Variants in SYCP1 observed in about 807,000 individuals in gnomAD.
The protein encoded by SYCP1 is cancer/testis antigen 8.
Under a neutral mutation model 153.1 loss-of-function variants are expected in SYCP1, and 64 were observed. The ratio of observed to expected loss-of-function variants is 0.42; its 90% confidence interval spans 0.34 to 0.51. The LOEUF (loss-of-function observed/expected upper bound fraction) is 0.51, where lower values mean the gene tolerates loss of function less well. Ranked by LOEUF, SYCP1 falls within the 20% of genes least tolerant of loss-of-function variation. SYCP1 has a pLI of 0.06. For missense variants in SYCP1, 997 were observed against 1,049.0 expected (o/e 0.95, Z 0.68); for synonymous variants, 384 against 341.8 (o/e 1.12, Z -1.36).
In SYCP1 at chr1:114,946,292, C is replaced by T. The variant is rs1670704663; in HGVS notation, c.2158C>T (p.Gln720Ter). ...ATGTCTTCTTTGTTTAATATAGCAC[C>T]AATATGATAAGATCATTGAAGAAAG... ...MVALMEKHKH[Q>*]YDKIIEERDS... Residue 720 changes from glutamine to a stop codon, truncating the protein, a stop_gained, in exon 26 of 32, where the codon CAA becomes TAA. Transcript: ENST00000369522. LOFTEE classifies it high-confidence loss of function. 1 of 1,557,194 alleles carries T rather than the reference C, an allele frequency of 6.4e-7. No homozygotes were observed. Among genetic ancestry groups the T allele is most frequent in the African/African-American group, 1.4e-5 (1 of 70,792 alleles).
chr1:114,898,020 A>T (rs1486149939), intron 16 of SYCP1, among the ~76,000 whole-genome samples: 1 of 152,168 alleles, frequency 6.6e-6, no homozygotes, highest in African/African-American at 2.4e-5. Flanking sequence ...CATGGATGTG[A>T]GCATAGACTT....
intron 16 of SYCP1, among the ~76,000 whole-genome samples, chr1:114,906,912 A>G (rs1300775934): frequency 6.6e-6 from 1 of 152,120 alleles, no homozygotes; most frequent in African/African-American, 2.4e-5. Context: ...TAATTCTATT[A>G]TTTACTGAGA....
chr1:114,878,740 G>A (rs780809927), intron 12 of SYCP1, among the ~76,000 whole-genome samples: 9 of 152,004 alleles, frequency 5.9e-5, no homozygotes, highest in Non-Finnish European at 1.0e-4. Flanking sequence ...ACGGGTTTTC[G>A]CCTTGTTGGC....
At chr1:114,895,379 G>A (rs1666989820) in intron 15 of SYCP1, 69 bp from the exon 16 acceptor site, 5 of 1,051,274 alleles carry the variant, frequency 4.8e-6, no homozygotes, top group Non-Finnish European at 6.8e-6. Context: ...TATTATGCTT[G>A]TTCCTTCTGT....
intron 27 of SYCP1, among the ~76,000 whole-genome samples, chr1:114,968,933 G>A (rs575201553): frequency 2.3e-4 from 35 of 152,274 alleles, no homozygotes; most frequent in Non-Finnish European, 4.4e-4. Flanking sequence ...AATAGTCAGG[G>A]TCCTCTTCTG....
intron 8 of SYCP1, among the ~76,000 whole-genome samples, chr1:114,869,327 A>G (rs1664963268): frequency 6.6e-6 from 1 of 152,154 alleles, no homozygotes; most frequent in Non-Finnish European, 1.5e-5. Flanking sequence ...TTCTCCAAGC[A>G]TTTTGTGATT....
intron 8 of SYCP1, among the ~76,000 whole-genome samples, chr1:114,866,371 A>G (rs973215241): frequency 6.6e-6 from 1 of 152,140 alleles, no homozygotes; most frequent in Non-Finnish European, 1.5e-5. Flanking sequence ...GATTTTGGCC[A>G]TTCGAATAGG....
rs1261310799 is a variant in SYCP1, at chr1:114,887,706, G to C, written c.1258+13G>C. On this transcript the variant is annotated intron_variant, in intron 15 of 31. Transcript: ENST00000369522. ...TCAAGTGAGCTGGGTAAGACTTAGA[G>C]AATAATGTGTGTACTTTAATAATAT... 1 of 1,483,656 alleles carries C rather than the reference G, an allele frequency of 6.7e-7. No individual in the cohort carries two copies. The highest frequency in any genetic ancestry group is 1.4e-5 in the African/African-American group (1 of 70,986). 91.9% of individuals were successfully genotyped at this position (1,483,656 alleles called of 1,614,324 possible).
In SYCP1 at chr1:114,994,910, C is replaced by G; in HGVS notation, c.2822C>G (p.Ser941Cys). ...CCTTCATCTCTAACAACCCCTGGAT[C>G]TACACTGAAGTTTGGAGCTATAAGA... is the stretch of plus-strand genomic sequence containing the variant. ...KAPSSLTTPG[S>C]TLKFGAIRKM... Residue 941 changes from serine to cysteine, a missense_variant, in exon 32 of 32, where the codon TCT (serine) becomes TGT (cysteine). This residue lies in a region of SYCP1 where 712 missense variants were observed against 682.9 expected (regional missense o/e 1.04). Coordinates refer to ENST00000369522, the MANE Select transcript of SYCP1 (RefSeq NM_003176.4). 1 of 1,606,984 alleles carries G rather than the reference C, an allele frequency of 6.2e-7. No homozygotes were observed. Among genetic ancestry groups the G allele is most frequent in the Non-Finnish European group, 8.5e-7 (1 of 1,176,474 alleles).
At chr1:114,910,367 C>A in intron 16 of SYCP1, 30 bp from the exon 17 acceptor site, 1 of 1,464,258 alleles carries the variant, frequency 6.8e-7, no homozygotes, top group South Asian at 1.2e-5. Context: ...TATGGTTTGG[C>A]ATTCCTGATT....
intron 27 of SYCP1, among the ~76,000 whole-genome samples, chr1:114,951,434 CA>C (rs1277384611): frequency 6.6e-6 from 1 of 151,940 alleles, no homozygotes; most frequent in East Asian, 1.9e-4. Flanking sequence ...ATTGGAATTG[CA>C]GAATTATTAT....
At chr1:114,948,451 G>C (rs1670890632) in intron 27 of SYCP1, among the ~76,000 whole-genome samples, 1 of 152,132 alleles carries the variant, frequency 6.6e-6, no homozygotes, top group African/African-American at 2.4e-5. Context: ...TAATCACTCT[G>C]CAACAGCTTA....
chr1:114,866,618 A>G (rs1374462425), intron 8 of SYCP1, among the ~76,000 whole-genome samples: 1 of 152,084 alleles, frequency 6.6e-6, no homozygotes, highest in Non-Finnish European at 1.5e-5. Flanking sequence ...ACAGTCCTTT[A>G]TCAGATGTTT....
intron 23 of SYCP1, 37 bp from the exon 24 acceptor site, chr1:114,944,302 A>G (rs764429416): frequency 8.6e-7 from 1 of 1,157,564 alleles, no homozygotes; most frequent in East Asian, 2.5e-5. Flanking sequence ...AATCCATAGC[A>G]TTTACTAATA....
Position 114,957,379 on chromosome 1 carries a change from G to T in SYCP1, c.2322+10059G>T, listed in dbSNP as rs913168547. On this transcript the variant is annotated intron_variant, in intron 27 of 31. Coordinates refer to ENST00000369522, the MANE Select transcript of SYCP1 (RefSeq NM_003176.4). ...GGTAAATGCTACAGGGCATTGGTCC[G>T]GTCAAAGATTATTTGAGTGAGACCT... Among the ~76,000 whole-genome samples, 8 of 152,168 alleles carry T rather than the reference G, an allele frequency of 5.3e-5. No homozygotes were observed. In the South Asian group the frequency reaches 1.7e-3, roughly 32 times the overall value.
At chr1:114,917,279 A>G (rs1274746017) in intron 20 of SYCP1, among the ~76,000 whole-genome samples, 2 of 152,170 alleles carry the variant, frequency 1.3e-5, no homozygotes, top group African/African-American at 2.4e-5. Flanking sequence ...CAGTTAACTT[A>G]ATGACCTCCA....
chr1:114,872,875 C>T (rs1424358896), intron 8 of SYCP1, among the ~76,000 whole-genome samples: 1 of 151,970 alleles, frequency 6.6e-6, no homozygotes, highest in Non-Finnish European at 1.5e-5. Context: ...GGCTGGTCTC[C>T]AACTCCTGGC....
At chr1:114,890,743 T>C (rs531429500) in intron 15 of SYCP1, among the ~76,000 whole-genome samples, 14 of 152,280 alleles carry the variant, frequency 9.2e-5, no homozygotes, top group Admixed American at 5.9e-4. Context: ...TTCTGTACTA[T>C]TTATTCTCCT....
At chr1:114,955,704 G>C (rs926601869) in intron 27 of SYCP1, among the ~76,000 whole-genome samples, 7 of 152,298 alleles carry the variant, frequency 4.6e-5, no homozygotes, top group Non-Finnish European at 1.0e-4. Context: ...GGGAGTCTCT[G>C]AAACCCTCAT....
Sources: gnomAD v4.1 joint callset for allele counts (sites outside exome capture counted in the v4.1 genomes callset) on GRCh38, gnomAD v4.1.1 for gene constraint, gnomAD v4.1.1 regional missense constraint, MANE v1.5 for transcripts, NCBI Gene and HGNC (gene_info 2026-07-23, HGNC 2026-07-21) for gene names.